Variants in SP100 observed in about 807,000 individuals in gnomAD.
SP100 encodes the protein SP100 nuclear body protein, also known as nuclear autoantigen Sp-100.
In SP100, 84 loss-of-function variants were observed where a neutral mutation model predicts 130.0. The observed-to-expected ratio is 0.65, with a 90% CI of 0.54 to 0.77. The LOEUF (loss-of-function observed/expected upper bound fraction) is 0.77, where lower values mean the gene tolerates loss of function less well. Ranked by LOEUF, SP100 falls within the 30% of genes least tolerant of loss-of-function variation. The pLI is 0.00. For missense variants in SP100, 978 were observed against 1,052.2 expected (o/e 0.93, Z 0.97); for synonymous variants, 331 against 351.7 (o/e 0.94, Z 0.66).
intron 24 of SP100, among the ~76,000 whole-genome samples, chr2:230,534,261 C>T (rs1691830379): frequency 6.6e-6 from 1 of 152,094 alleles, no homozygotes; most frequent in South Asian, 2.1e-4. Flanking sequence ...AAAAAATTAG[C>T]CGGGCGTGGT....
At chr2:230,448,720 G>A (rs2063826890) in intron 5 of SP100, among the ~76,000 whole-genome samples, 2 of 152,168 alleles carry the variant, frequency 1.3e-5, no homozygotes, top group African/African-American at 4.8e-5. Context: ...GTGTGAAAGG[G>A]GGTGGGCATG....
Position 230,449,721 on chromosome 2 carries a change from C to G in SP100, c.736+11C>G. 6.2e-7 allele frequency: 1 copy of G among 1,613,876 alleles called. No homozygotes were observed. The highest frequency in any genetic ancestry group is 8.5e-7 in the Non-Finnish European group (1 of 1,179,860). ...AGGCTGAGCCAACAGGTAAGACTGA[C>G]TGGGTTGGCATGAATGGGGAGGAGC... On this transcript the variant is annotated intron_variant, in intron 7 of 28. Coordinates refer to ENST00000340126, the MANE Select transcript of SP100 (RefSeq NM_001080391.2).
At chr2:230,459,745 T>C (rs1446532950) in intron 8 of SP100, among the ~76,000 whole-genome samples, 1 of 152,226 alleles carries the variant, frequency 6.6e-6, no homozygotes, top group Non-Finnish European at 1.5e-5. Flanking sequence ...TAGACCCCTG[T>C]CACTCTCACT....
intron 17 of SP100, chr2:230,494,046 C>G (rs2066532349): frequency 5.4e-6 from 1 of 186,422 alleles, no homozygotes; most frequent in African/African-American, 2.4e-5. Context: ...GCACGAGCCA[C>G]TGTGCCCGGC....
At chr2:230,485,503 A>G (rs1260222081) in intron 17 of SP100, among the ~76,000 whole-genome samples, 2 of 152,124 alleles carry the variant, frequency 1.3e-5, no homozygotes, top group African/African-American at 2.4e-5. Flanking sequence ...TCTGTTTTCT[A>G]CACTGATCTC....
At chr2:230,436,193 T>G (rs2063260547) in intron 2 of SP100, among the ~76,000 whole-genome samples, 1 of 152,248 alleles carries the variant, frequency 6.6e-6, no homozygotes, top group African/African-American at 2.4e-5. Flanking sequence ...ACAAGTCTCA[T>G]ACCTTTCAGA....
intron 15 of SP100, among the ~76,000 whole-genome samples, chr2:230,470,967 T>C (rs199575826): frequency 2.6e-5 from 2 of 77,718 alleles, no homozygotes; most frequent in East Asian, 7.1e-4. Flanking sequence ...AACACACACA[T>C]ATGTGTGTGT....
intron 8 of SP100, among the ~76,000 whole-genome samples, chr2:230,458,806 C>A (rs938027627): frequency 6.6e-6 from 1 of 151,964 alleles, no homozygotes; most frequent in Non-Finnish European, 1.5e-5. Context: ...AGTGATATAG[C>A]ACTCACACAT....
intron 16 of SP100, 120 bp downstream of exon 16, chr2:230,473,560 C>A: frequency 1.7e-6 from 1 of 585,134 alleles, no homozygotes; most frequent in South Asian, 2.6e-5. Context: ...GGATCACCAA[C>A]AGGAAGTGGG....
At chr2:230,467,088 G>A in intron 12 of SP100, 32 bp from the exon 13 acceptor site, 1 of 1,437,842 alleles carries the variant, frequency 7.0e-7, no homozygotes, top group South Asian at 1.1e-5. Context: ...CATACATTGA[G>A]AGCTCCAAAG....
Position 230,544,692 on chromosome 2 carries a change from G to C in SP100, c.*1746G>C, listed in dbSNP as rs947497581. ...GACGGGGTTTCTCCACATTGGTCAG[G>C]CTGGTCTTGAACTCCCGACCTCAGG... On this transcript the variant is annotated 3_prime_UTR_variant, in exon 29 of 29. Transcript: ENST00000340126. Among the ~76,000 whole-genome samples, 8 of 152,198 alleles carry C rather than the reference G, an allele frequency of 5.3e-5. No homozygotes were observed. The East Asian group carries it at 1.5e-3, about 29-fold the overall frequency.
chr2:230,539,011 A>G (rs1276592736), intron 24 of SP100: 1 of 305,590 alleles, frequency 3.3e-6, no homozygotes, highest in African/African-American at 2.1e-5. Context: ...AAAAATCTCT[A>G]ATTCATCCTA....
chr2:230,435,625 G>A (rs940302532), intron 2 of SP100, among the ~76,000 whole-genome samples: 2 of 152,260 alleles, frequency 1.3e-5, no homozygotes, highest in South Asian at 4.1e-4. Context: ...ACAGGCAAAA[G>A]TGTGCCATGG....
chr2:230,436,187 G>T (rs2063260010), intron 2 of SP100, among the ~76,000 whole-genome samples: 1 of 151,684 alleles, frequency 6.6e-6, no homozygotes, highest in Non-Finnish European at 1.5e-5. Context: ...CTTCATACAA[G>T]TCTCATACCT....
rs550426045 is a variant in SP100 at position 230,540,910 on chromosome 2, A to T, written c.2245A>T (p.Thr749Ser). The T allele has an allele frequency of 5.6e-5, 91 of 1,613,556 alleles. No individual in the cohort carries two copies. The South Asian group carries it at 7.1e-4, about 13-fold the overall frequency. Residue 749 changes from threonine (T) to serine (S), a missense_variant, in exon 26 of 29, where the codon ACT becomes TCT. Coordinates refer to ENST00000340126, the MANE Select transcript of SP100 (RefSeq NM_001080391.2). ...PWSCIFCRIK[T>S]IQERCPESQS... ...GAGTTGCATCTTCTGCAGGATAAAG[A>T]CTATTCAGGAAAGATGCCCAGAAAG...
intron 18 of SP100, among the ~76,000 whole-genome samples, chr2:230,496,114 C>T (rs554987407): frequency 4.5e-4 from 69 of 151,980 alleles, no homozygotes; most frequent in African/African-American, 1.4e-3. Flanking sequence ...GATGTTTTTT[C>T]CGTCATGTTT....
At chr2:230,468,988 G>T (rs370265331) in intron 13 of SP100, 55 bp from the exon 14 acceptor site, 1 of 1,117,192 alleles carries the variant, frequency 9.0e-7, no homozygotes. Flanking sequence ...GCAGTCATAA[G>T]ATTTATAGAT....
chr2:230,441,171 C>G (rs780929667), intron 2 of SP100, among the ~76,000 whole-genome samples: 11 of 152,134 alleles, frequency 7.2e-5, no homozygotes, highest in Admixed American at 5.9e-4. Context: ...TGAACAGACA[C>G]TTTACAAAAA....
intron 24 of SP100, among the ~76,000 whole-genome samples, chr2:230,537,462 T>C (rs531024277): frequency 1.1e-4 from 16 of 152,278 alleles, no homozygotes; most frequent in South Asian, 2.1e-4. Flanking sequence ...CATAACTTGT[T>C]TGATGACTAA....
Sources: gnomAD v4.1 joint callset for allele counts (sites outside exome capture counted in the v4.1 genomes callset) on GRCh38, gnomAD v4.1.1 for gene constraint, MANE v1.5 for transcripts, NCBI Gene and HGNC (gene_info 2026-07-23, HGNC 2026-07-21) for gene names.